Variants in MYZAP observed in about 807,000 individuals in gnomAD.
MYZAP encodes the protein GRINL1A complex locus upstream.
In MYZAP, 66 loss-of-function variants were observed where a neutral mutation model predicts 69.4. The ratio of observed to expected loss-of-function variants is 0.95; its 90% CI spans 0.78 to 1.17. MYZAP has a LOEUF of 1.17. Among genes scored for constraint, MYZAP ranks in the 50% most tolerant of loss-of-function variants. The pLI is 0.00. For missense variants in MYZAP, 611 were observed against 556.2 expected (o/e 1.10, Z -0.99); for synonymous variants, 256 against 205.9 (o/e 1.24, Z -2.09).
chr15:57,593,188 G>GCATGCGCGCGCGCGCGCGCGCGCGCCCA, intron 1 of MYZAP, among the ~76,000 whole-genome samples: 1 of 114,152 alleles, frequency 8.8e-6, no homozygotes, highest in Admixed American at 8.6e-5. Flanking sequence ...GTACACAGGC[G>GCATGCGCGCGCGCGCGCGCGCGCGCCCA]CACACACACA....
At position 57,618,052 on chromosome 15, in the gene MYZAP, G is replaced by A. The variant is rs1176255720; in HGVS notation, c.182G>A (p.Gly61Glu). 3 of 1,613,708 alleles carry A rather than the reference G, an allele frequency of 1.9e-6. No individual in the cohort carries two copies. Among genetic ancestry groups the A allele is most frequent in the Non-Finnish European group, 2.5e-6 (3 of 1,179,968 alleles). Residue 61 changes from glycine (G) to glutamate (E), a missense_variant, in exon 3 of 13, where the codon GGA (glycine) becomes GAA (glutamate). Transcript: ENST00000267853. The part of the protein sequence containing the change: ...RKEQLLDLSN[G>E]EPTRKLPQGV... ...TTTTAGCTTCTTGACCTGAGCAATG[G>A]AGAACCTACCAGGAAACTTCCTCAG...
At chr15:57,602,346 A>T (rs1212734380) in intron 1 of MYZAP, among the ~76,000 whole-genome samples, 3 of 151,276 alleles carry the variant, frequency 2.0e-5, no homozygotes, top group Non-Finnish European at 4.4e-5. Context: ...CTGTGAAGGA[A>T]CTCTCTGTTC....
chr15:57,629,970 G>GTTTTTTTTCTTT, intron 6 of MYZAP, 116 bp downstream of exon 6: 3 of 863,316 alleles, frequency 3.5e-6, no homozygotes, highest in Non-Finnish European at 4.7e-6. Flanking sequence ...TTCTTCATTG[G>GTTTTTTTTCTTT]ATTTTTTTTT....
At chr15:57,680,002 C>A (rs2039348751) in intron 12 of MYZAP, among the ~76,000 whole-genome samples, 1 of 152,186 alleles carries the variant, frequency 6.6e-6, no homozygotes, top group Non-Finnish European at 1.5e-5. Context: ...GCTTTATCTG[C>A]AGCTTTGGCA....
intron 12 of MYZAP, among the ~76,000 whole-genome samples, chr15:57,675,509 T>C (rs1346120): frequency 0.91 from 138,833 of 152,172 alleles, 64,236 homozygotes; most frequent in Non-Finnish European, 0.99. Context: ...GCTTTAGTGA[T>C]ATACAAGAGG....
chr15:57,618,246 A>T (rs935548), intron 3 of MYZAP, 58 bp downstream of exon 3: 1 of 1,572,026 alleles, frequency 6.4e-7, no homozygotes, highest in South Asian at 1.2e-5. Flanking sequence ...CATGCAAGAG[A>T]ATGGAGTTGG....
At position 57,657,621 on chromosome 15, in the gene MYZAP, C is replaced by T. The variant is rs185457657; in HGVS notation, c.1120-3829C>T. Among the ~76,000 whole-genome samples the T allele has an allele frequency of 2.6e-5, 4 of 152,202 alleles. No homozygotes were observed. The East Asian group carries it at 7.7e-4, about 29-fold the overall frequency. On this transcript the variant is annotated intron_variant, in intron 10 of 12. Coordinates refer to ENST00000267853, the MANE Select transcript of MYZAP (RefSeq NM_001018100.5). The stretch of plus-strand genomic sequence containing the variant: ...TATTACCCTTTCCTTTAGTGCTAGA[C>T]ATTAAGGTTATTTAGTGCTAGACAT...
At chr15:57,658,806 T>A (rs1192365167) in intron 10 of MYZAP, among the ~76,000 whole-genome samples, 1 of 152,232 alleles carries the variant, frequency 6.6e-6, no homozygotes, top group Admixed American at 6.5e-5. Context: ...CATTAGCTTT[T>A]ACCATCATGG....
At chr15:57,626,400 AC>A (rs1299548235) in intron 5 of MYZAP, among the ~76,000 whole-genome samples, 1 of 152,242 alleles carries the variant, frequency 6.6e-6, no homozygotes, top group African/African-American at 2.4e-5. Flanking sequence ...AGACAGGGAA[AC>A]AGAAAGACCC....
At chr15:57,631,914 C>T (rs1289065395) in intron 6 of MYZAP, among the ~76,000 whole-genome samples, 2 of 152,172 alleles carry the variant, frequency 1.3e-5, no homozygotes, top group East Asian at 1.9e-4. Context: ...GCACCAGCCA[C>T]CACCAACCTA....
At chr15:57,648,633 TGACTCCAA>T in intron 10 of MYZAP, 1 of 215,470 alleles carries the variant, frequency 4.6e-6, no homozygotes, top group Non-Finnish European at 7.9e-6. Flanking sequence ...CCCAGATCTG[TGACTCCAA>T]AGTCAGCCTT....
intron 10 of MYZAP, among the ~76,000 whole-genome samples, chr15:57,656,984 C>G (rs899768428): frequency 6.6e-6 from 1 of 152,168 alleles, no homozygotes; most frequent in Non-Finnish European, 1.5e-5. Flanking sequence ...CCTCTGCTCT[C>G]TCATGAGAAG....
Position 57,639,474 on chromosome 15 carries a change from C to T in MYZAP, c.1048C>T (p.Arg350Cys), listed in dbSNP as rs755772701. 15 of 1,614,046 alleles carry T rather than the reference C, an allele frequency of 9.3e-6. No homozygotes were observed. The South Asian group carries it at 9.9e-5, about 11-fold the overall frequency. Reference protein sequence around the residue: ...QQLEEASASLRERIRHLDDMV... With the variant: ...QQLEEASASLCERIRHLDDMV... ...GTTGGAGGAGGCATCAGCCAGCCTC[C>T]GTGAGCGGATCAGACACCTAGATGA... The change falls in exon 10 of 13, where the codon CGT becomes TGT. Residue 350 changes from arginine (R) to cysteine (C), a missense_variant. Coordinates refer to ENST00000267853, the MANE Select transcript of MYZAP (RefSeq NM_001018100.5).
intron 1 of MYZAP, among the ~76,000 whole-genome samples, chr15:57,593,559 G>C (rs1337087297): frequency 6.6e-6 from 1 of 152,142 alleles, no homozygotes; most frequent in East Asian, 1.9e-4. Flanking sequence ...ATACAAATGT[G>C]ACTAGTATAC....
intron 11 of MYZAP, among the ~76,000 whole-genome samples, chr15:57,665,390 A>G (rs1327562908): frequency 6.6e-6 from 1 of 152,238 alleles, no homozygotes; most frequent in African/African-American, 2.4e-5. Flanking sequence ...TAAGTGTCAT[A>G]AGCTGATGGT....
chr15:57,598,167 G>T (rs1248714010), intron 1 of MYZAP, among the ~76,000 whole-genome samples: 3 of 152,154 alleles, frequency 2.0e-5, no homozygotes, highest in Admixed American at 2.0e-4. Flanking sequence ...TACTGGATCC[G>T]CAGAGTACCC....
chr15:57,673,839 C>A (rs1392663454), intron 11 of MYZAP, among the ~76,000 whole-genome samples: 4 of 152,102 alleles, frequency 2.6e-5, no homozygotes, highest in African/African-American at 9.7e-5. Context: ...TACCTAGTGT[C>A]TTAGAATAGT....
intron 4 of MYZAP, among the ~76,000 whole-genome samples, chr15:57,624,166 T>G (rs938463401): frequency 3.3e-5 from 5 of 152,244 alleles, no homozygotes; most frequent in African/African-American, 1.2e-4. Context: ...TTAGCCAAGC[T>G]AATGCTTGTA....
At chr15:57,682,433 T>G (rs1377968284) in intron 12 of MYZAP, among the ~76,000 whole-genome samples, 1 of 152,082 alleles carries the variant, frequency 6.6e-6, no homozygotes, top group African/African-American at 2.4e-5. Context: ...AACTCTCAAA[T>G]GTCTCCCTAA....
Sources: allele counts gnomAD v4.1 joint callset (sites outside exome capture counted in the v4.1 genomes callset), GRCh38; gene constraint gnomAD v4.1.1; transcripts MANE v1.5; gene names NCBI Gene and HGNC (gene_info 2026-07-23, HGNC 2026-07-21).